EDAR: variants seen among roughly 807,000 people sequenced by gnomAD.
The protein encoded by EDAR is ectodysplasin A receptor.
A neutral mutation model predicts 51.3 loss-of-function variants in EDAR; 38 were observed. The ratio of observed to expected loss-of-function variants is 0.74; its 90% confidence interval spans 0.57 to 0.97. The LOEUF (loss-of-function observed/expected upper bound fraction) is 0.97. Among genes scored for constraint, EDAR ranks in the 50% least tolerant of loss-of-function variants. The probability of loss-of-function intolerance (pLI) is 0.00; values close to 1 mark genes in which losing one functional copy is unlikely to be tolerated. For missense variants in EDAR, 528 were observed against 595.0 expected (o/e 0.89, Z 1.17); for synonymous variants, 227 against 242.1 (o/e 0.94, Z 0.58).
At chr2:108,984,295 C>T (rs541267664) in intron 1 of EDAR, among the ~76,000 whole-genome samples, 5 of 152,220 alleles carry the variant, frequency 3.3e-5, no homozygotes, top group South Asian at 2.1e-4. Context: ...TTACAGCAAC[C>T]GGCGTGGCAT....
At chr2:108,980,713 A>G (rs1044107720) in intron 1 of EDAR, among the ~76,000 whole-genome samples, 3 of 152,130 alleles carry the variant, frequency 2.0e-5, no homozygotes, top group African/African-American at 7.2e-5. Context: ...ACACACAGAC[A>G]TCTTGGGCCA....
chr2:108,909,442 T>TGAATCATAGGAAGATCATG (rs11268700), intron 9 of EDAR, among the ~76,000 whole-genome samples: 138,201 of 151,510 alleles, frequency 0.91, 63,107 homozygotes, highest in East Asian at 1. Flanking sequence ...CTTTGCAAGG[T>TGAATCATAGGAAGATCATG]GAATCATAGG....
chr2:108,910,780 G>A lies in EDAR; in HGVS notation c.726C>T (p.Ala242=), dbSNP rs145268306. The A allele has an allele frequency of 5.6e-5, 91 of 1,613,042 alleles. 1 individual carries two copies. In the African/African-American group the frequency reaches 1.0e-3, roughly 18 times the overall value. ...TGGAAGCCCTGGTTCACAGACCTGG[G>A]GCCTCTTTCTTCTCCTCGTCCTTGC... ...QVSKDEEKKE[A]PDNVVMFSEK... Residue 242 remains alanine (A), a synonymous_variant, in exon 8 of 12, where the codon GCC becomes GCT. Coordinates refer to ENST00000258443, the MANE Select transcript of EDAR (RefSeq NM_022336.4).
chr2:108,910,524 C>A lies in EDAR; in HGVS notation c.739G>T (p.Val247Leu), dbSNP rs1696905341. 4 of 1,612,870 alleles carry A rather than the reference C, an allele frequency of 2.5e-6. No individual in the cohort carries two copies. Among genetic ancestry groups the A allele is most frequent in the Non-Finnish European group, 3.4e-6 (4 of 1,179,102 alleles). Residue 247 changes from valine (V) to leucine (L), a missense_variant, in exon 9 of 12, where the codon GTG becomes TTG. Coordinates refer to ENST00000258443, the MANE Select transcript of EDAR (RefSeq NM_022336.4). ...EEKKEAPDNV[V>L]MFSEKDEFEK... is the part of the protein sequence containing the mutation. ...AATTCATCCTTCTCGGAGAACATCA[C>A]CACGTTGTCTGCAGGGAAATGGGGA...
intron 1 of EDAR, among the ~76,000 whole-genome samples, chr2:108,975,213 G>A (rs1444710269): frequency 6.6e-6 from 1 of 152,218 alleles, no homozygotes; most frequent in Non-Finnish European, 1.5e-5. Context: ...AGGGGCAAAG[G>A]AGAGAGAGGA....
intron 1 of EDAR, among the ~76,000 whole-genome samples, chr2:108,972,344 G>A (rs1698249892): frequency 1.3e-5 from 2 of 152,248 alleles, no homozygotes; most frequent in African/African-American, 4.8e-5. Flanking sequence ...AGACAATGAT[G>A]ACCAAATCAA....
rs536943324 is a variant in EDAR at position 108,938,715 on chromosome 2, T to G, written c.-18-7683A>C. Among the ~76,000 whole-genome samples the G allele has an allele frequency of 4.5e-4, 68 of 152,114 alleles. 2 individuals carry two copies. The South Asian group carries it at 7.3e-3, about 16-fold the overall frequency. On this transcript the variant is annotated intron_variant, in intron 1 of 11. Coordinates refer to ENST00000258443, the MANE Select transcript of EDAR (RefSeq NM_022336.4). The stretch of plus-strand genomic sequence containing the variant: ...AAATTGAGGGAAAGCATTTTCAGGG[T>G]GAAATCAGAAAAGTTATCATAACTA...
rs1232141596 is a variant in EDAR, at chr2:108,928,593, G to A, written c.356+605C>T. Among the ~76,000 whole-genome samples the A allele has an allele frequency of 3.9e-5, 6 of 152,210 alleles. 1 individual carries two copies. The highest frequency in any genetic ancestry group is 3.3e-4 in the Admixed American group (5 of 15,282). On this transcript the variant is annotated intron_variant, in intron 4 of 11. Coordinates refer to ENST00000258443, the MANE Select transcript of EDAR (RefSeq NM_022336.4). ...GCATGATGTGTTGTGGCCACTAGGGGGAGGAAGCAGCAATGATCATGGCTC... is the reference window on the plus strand; with the variant it reads ...GCATGATGTGTTGTGGCCACTAGGGAGAGGAAGCAGCAATGATCATGGCTC...
chr2:108,945,198 G>A (rs560234968), intron 1 of EDAR, among the ~76,000 whole-genome samples: 19 of 152,250 alleles, frequency 1.2e-4, no homozygotes, highest in African/African-American at 4.6e-4. Context: ...GCTTGGGTGG[G>A]GGCGAGCTCC....
intron 1 of EDAR, among the ~76,000 whole-genome samples, chr2:108,933,985 C>T (rs1047714595): frequency 1.3e-5 from 2 of 152,144 alleles, no homozygotes; most frequent in Non-Finnish European, 2.9e-5. Flanking sequence ...TTCCAAGAAC[C>T]ATATGAATGG....
chr2:108,923,650 A>G lies in EDAR; in HGVS notation c.357-197T>C, dbSNP rs539905986. Among the ~76,000 whole-genome samples, 13 of 152,316 alleles carry G rather than the reference A, an allele frequency of 8.5e-5. No individual in the cohort carries two copies. The Middle Eastern group carries it at 0.017, about 199-fold the overall frequency. ...TGTCTTGAAATGGAGCATTCTTTTA[A>G]CAATATTGAGCTGCCAACGTGGGCC... On this transcript the variant is annotated intron_variant, in intron 4 of 11. Transcript: ENST00000258443.
At chr2:108,963,853 G>T (rs1698099679) in intron 1 of EDAR, among the ~76,000 whole-genome samples, 1 of 152,204 alleles carries the variant, frequency 6.6e-6, no homozygotes, top group African/African-American at 2.4e-5. Context: ...GTGTGAGCTG[G>T]CTGGAGAGAC....
intron 1 of EDAR, among the ~76,000 whole-genome samples, chr2:108,977,957 G>A (rs150125395): frequency 9.5e-4 from 144 of 152,320 alleles, no homozygotes; most frequent in African/African-American, 3.3e-3. Flanking sequence ...TGGACTCTGT[G>A]GATGCAGATG....
chr2:108,959,883 C>T (rs1292405653), intron 1 of EDAR, among the ~76,000 whole-genome samples: 1 of 152,152 alleles, frequency 6.6e-6, no homozygotes, highest in African/African-American at 2.4e-5. Context: ...CAAGCACACA[C>T]ATATCCAAGT....
chr2:108,907,540 T>C (rs914533998), intron 10 of EDAR, among the ~76,000 whole-genome samples: 1 of 151,762 alleles, frequency 6.6e-6, no homozygotes, highest in Non-Finnish European at 1.5e-5. Context: ...CCTAGCTACT[T>C]GGGAGGCTGA....
chr2:108,930,016 C>A, intron 3 of EDAR, 104 bp downstream of exon 3: 1 of 1,407,346 alleles, frequency 7.1e-7, no homozygotes, highest in Non-Finnish European at 9.6e-7. Flanking sequence ...GTTTGATATA[C>A]CCTGGCATCC....
chr2:108,975,247 C>T (rs907369563), intron 1 of EDAR, among the ~76,000 whole-genome samples: 4 of 152,190 alleles, frequency 2.6e-5, no homozygotes, highest in Non-Finnish European at 4.4e-5. Flanking sequence ...ATAGCAGCTG[C>T]GGCCTCAGGC....
intron 1 of EDAR, among the ~76,000 whole-genome samples, chr2:108,950,267 TTTTC>T (rs941002960): frequency 6.1e-5 from 9 of 148,422 alleles, no homozygotes; most frequent in African/African-American, 1.2e-4. Flanking sequence ...TTCCTTTTCT[TTTTC>T]TTTCTTTCTT....
intron 1 of EDAR, among the ~76,000 whole-genome samples, chr2:108,962,964 G>C (rs559111288): frequency 4.6e-5 from 7 of 152,324 alleles, no homozygotes; most frequent in South Asian, 2.1e-4. Context: ...GCCAAGGACA[G>C]GAGGGCTCAC....
Sources: allele counts gnomAD v4.1 joint callset (sites outside exome capture counted in the v4.1 genomes callset), GRCh38; gene constraint gnomAD v4.1.1; transcripts MANE v1.5; gene names NCBI Gene and HGNC (gene_info 2026-07-23, HGNC 2026-07-21).